PID1: variants seen among roughly 807,000 people sequenced by gnomAD.
PID1 encodes PTB-containing, cubilin and LRP1-interacting protein.
PID1 carries 10 observed loss-of-function variants against 19.1 expected under a neutral mutation model. The ratio of observed to expected loss-of-function variants is 0.52; its 90% CI spans 0.32 to 0.89. PID1 has a LOEUF of 0.89. Ranked by LOEUF, PID1 falls within the 40% of genes least tolerant of loss-of-function variation. PID1 has a pLI of 0.03. For synonymous variants in PID1, 130 were observed against 116.0 expected, an observed-to-expected ratio of 1.12 and a Z score of -0.78; for missense variants, 248 against 285.3, an observed-to-expected ratio of 0.87 and a Z score of 0.94.
In PID1 at chr2:229,068,422, G is replaced by A. The variant is rs1076433; in HGVS notation, c.178-42314C>T. ...CAAAAGTAGACTGTCCGGGTGTAAC[G>A]AATACTGCAGTTTGTCTTCAACAAA... On this transcript the variant is annotated intron_variant, in intron 2 of 2. Coordinates refer to ENST00000392055, the MANE Select transcript of PID1 (RefSeq NM_001100818.2). 5.6e-3 allele frequency among the ~76,000 whole-genome samples: 770 copies of A among 138,236 alleles called. 6 individuals carry two copies. Among genetic ancestry groups the A allele is most frequent in the Middle Eastern group, 0.014 (4 of 278 alleles). 90.7% of individuals were successfully genotyped at this position (138,236 alleles called of 152,430 possible).
At chr2:229,052,199 C>T (rs1406908517) in intron 2 of PID1, among the ~76,000 whole-genome samples, 1 of 152,040 alleles carries the variant, frequency 6.6e-6, no homozygotes, top group Non-Finnish European at 1.5e-5. Context: ...TATGTGAAGG[C>T]ATTCTCATAA....
At chr2:229,156,741 C>T (rs1170965355) in intron 1 of PID1, among the ~76,000 whole-genome samples, 1 of 152,078 alleles carries the variant, frequency 6.6e-6, no homozygotes, top group Non-Finnish European at 1.5e-5. Context: ...CTGCTCAAAC[C>T]CTCCCATGTC....
intron 1 of PID1, among the ~76,000 whole-genome samples, chr2:229,232,579 T>TA (rs1199229305): frequency 6.6e-6 from 1 of 150,718 alleles, no homozygotes; most frequent in Non-Finnish European, 1.5e-5. Flanking sequence ...GATAGGAAGA[T>TA]AATGTCACCT....
At chr2:229,115,682 C>A (rs1401577406) in intron 2 of PID1, among the ~76,000 whole-genome samples, 2 of 152,144 alleles carry the variant, frequency 1.3e-5, no homozygotes, top group East Asian at 1.9e-4. Flanking sequence ...CAGGAAACTG[C>A]ATGAATATCA....
chr2:229,067,935 G>C (rs745540360), intron 2 of PID1, among the ~76,000 whole-genome samples: 37 of 152,186 alleles, frequency 2.4e-4, no homozygotes, highest in Admixed American at 3.9e-4. Context: ...ATCCTTTAGA[G>C]CAAAAGTCAG....
intron 1 of PID1, among the ~76,000 whole-genome samples, chr2:229,206,190 T>A (rs891321653): frequency 6.6e-6 from 1 of 151,946 alleles, no homozygotes; most frequent in African/African-American, 2.4e-5. Context: ...TCTGGGAACA[T>A]TCCTCATAAA....
At chr2:229,185,448 A>T (rs965913900) in intron 1 of PID1, among the ~76,000 whole-genome samples, 3 of 152,158 alleles carry the variant, frequency 2.0e-5, no homozygotes, top group Admixed American at 6.5e-5. Flanking sequence ...CATGCTGCTG[A>T]TAAAGACATA....
At chr2:229,103,733 T>C (rs1695119537) in intron 2 of PID1, among the ~76,000 whole-genome samples, 1 of 152,006 alleles carries the variant, frequency 6.6e-6, no homozygotes, top group East Asian at 1.9e-4. Context: ...CCCGCCACCA[T>C]GCCCGGCTAA....
intron 1 of PID1, among the ~76,000 whole-genome samples, chr2:229,171,731 C>T (rs1306489674): frequency 1.3e-5 from 2 of 152,088 alleles, no homozygotes; most frequent in Non-Finnish European, 2.9e-5. Context: ...AGGTGAGTGA[C>T]AAAAATATCA....
chr2:229,113,389 T>A lies in PID1; in HGVS notation c.177+42429A>T, dbSNP rs530185550. ...TGTCTGGAGCCCCTACTATTTTTTA[T>A]ATATATTTATATATATATATTTATA... On this transcript the variant is annotated intron_variant, in intron 2 of 2. Transcript: ENST00000392055. Among the ~76,000 whole-genome samples the A allele has an allele frequency of 2.8e-5, 4 of 143,478 alleles. 1 individual carries two copies. Among genetic ancestry groups the A allele is most frequent in the Admixed American group, 2.8e-4 (4 of 14,456 alleles). The allele number at this position is 143,478 out of a possible 152,430, so 94.1% of individuals were successfully genotyped here.
intron 2 of PID1, among the ~76,000 whole-genome samples, chr2:229,080,133 A>G (rs990406195): frequency 6.6e-6 from 1 of 152,190 alleles, no homozygotes; most frequent in African/African-American, 2.4e-5. Flanking sequence ...AGGAGGAGAC[A>G]TGGGTAAAAC....
intron 2 of PID1, among the ~76,000 whole-genome samples, chr2:229,142,393 C>T (rs1461416134): frequency 6.6e-6 from 1 of 152,074 alleles, no homozygotes; most frequent in African/African-American, 2.4e-5. Flanking sequence ...TATCGCCTCT[C>T]CTTCTCAAAG....
chr2:229,082,680 T>C (rs1694691486), intron 2 of PID1, among the ~76,000 whole-genome samples: 1 of 152,144 alleles, frequency 6.6e-6, no homozygotes, highest in South Asian at 2.1e-4. Flanking sequence ...CAGCCAGTGA[T>C]GAAACAAGGA....
At chr2:229,150,344 C>T (rs932476377) in intron 2 of PID1, among the ~76,000 whole-genome samples, 3 of 152,040 alleles carry the variant, frequency 2.0e-5, no homozygotes, top group African/African-American at 7.2e-5. Context: ...GCCTCAGGGG[C>T]CAGGAGAAGC....
intron 1 of PID1, among the ~76,000 whole-genome samples, chr2:229,185,588 G>A (rs1052526980): frequency 1.3e-5 from 2 of 152,162 alleles, no homozygotes; most frequent in African/African-American, 2.4e-5. Flanking sequence ...ATGGCAGCAG[G>A]CATTCATGTA....
chr2:229,226,581 C>T (rs1692081964), intron 1 of PID1, among the ~76,000 whole-genome samples: 1 of 152,098 alleles, frequency 6.6e-6, no homozygotes, highest in Non-Finnish European at 1.5e-5. Flanking sequence ...TGTACTATTC[C>T]AGCTTGGCCA....
rs185082122 is a variant in PID1, at chr2:229,029,613, G to A, written c.178-3505C>T. 2.5e-3 allele frequency among the ~76,000 whole-genome samples: 373 copies of A among 152,120 alleles called. 2 individuals carry two copies. The highest frequency in any genetic ancestry group is 3.7e-3 in the Non-Finnish European group (252 of 67,996). On this transcript the variant is annotated intron_variant, in intron 2 of 2. Transcript: ENST00000392055. ...ATCCCAGCACTTTGGAAGGAGAGGC[G>A]GGCGGAACACGAGGTCAGGAGTTCG...
chr2:229,206,888 T>A (rs1046700128), intron 1 of PID1, among the ~76,000 whole-genome samples: 1 of 152,134 alleles, frequency 6.6e-6, no homozygotes, highest in Non-Finnish European at 1.5e-5. Flanking sequence ...ACCGAGGGAT[T>A]TTGTTAGAAT....
At chr2:229,104,253 C>A (rs769393642) in intron 2 of PID1, among the ~76,000 whole-genome samples, 3 of 152,176 alleles carry the variant, frequency 2.0e-5, no homozygotes, top group Non-Finnish European at 4.4e-5. Flanking sequence ...TGAACCACCA[C>A]AGCACATGTC....
Sources: gnomAD v4.1 joint callset for allele counts (sites outside exome capture counted in the v4.1 genomes callset) on GRCh38, gnomAD v4.1.1 for gene constraint, MANE v1.5 for transcripts, NCBI Gene and HGNC (gene_info 2026-07-23, HGNC 2026-07-21) for gene names.